The following EYA1 variants were observed in gnomAD, a reference collection of about 807,000 sequenced individuals.
EYA1 encodes EYA transcriptional coactivator and phosphatase 1, also known as protein phosphatase EYA1.
Under a neutral mutation model 82.0 loss-of-function variants are expected in EYA1, and 16 were observed. That is an observed-to-expected ratio of 0.20 (90% CI 0.13 to 0.30). The LOEUF is 0.30. EYA1 is among the 10% of genes least tolerant of loss of function. EYA1 has a pLI of 1.00. For synonymous variants in EYA1, 261 were observed against 264.4 expected, an observed-to-expected ratio of 0.99 and a Z score of 0.12; for missense variants, 633 against 730.7, an observed-to-expected ratio of 0.87 and a Z score of 1.54.
At chr8:71,311,757 AT>A (rs1329011203) in intron 7 of EYA1, among the ~76,000 whole-genome samples, 1 of 152,376 alleles carries the variant, frequency 6.6e-6, no homozygotes, top group African/African-American at 2.4e-5. Flanking sequence ...CAAAAGAAAA[AT>A]TAAAGCATGA....
intron 11 of EYA1, among the ~76,000 whole-genome samples, chr8:71,254,969 T>C (rs1814230331): frequency 6.7e-6 from 1 of 149,436 alleles, no homozygotes; most frequent in Non-Finnish European, 1.5e-5. Context: ...AGCCAGGAAA[T>C]AAATTAAGAA....
At chr8:71,241,224 G>A (rs969216502) in intron 12 of EYA1, among the ~76,000 whole-genome samples, 6 of 151,806 alleles carry the variant, frequency 4.0e-5, no homozygotes, top group African/African-American at 1.4e-4. Flanking sequence ...TGTTTTTCCT[G>A]GTGTGTCAAC....
intron 12 of EYA1, among the ~76,000 whole-genome samples, chr8:71,233,428 G>T (rs929076548): frequency 1.3e-5 from 2 of 151,998 alleles, no homozygotes; most frequent in African/African-American, 4.8e-5. Context: ...GTTGGGCGTG[G>T]TGGTGGGCGC....
intron 11 of EYA1, among the ~76,000 whole-genome samples, chr8:71,249,210 T>C (rs1332347122): frequency 8.5e-5 from 13 of 152,112 alleles, no homozygotes; most frequent in Admixed American, 8.5e-4. Flanking sequence ...CAGCAATCTT[T>C]TATGGGCATT....
At chr8:71,402,619 T>A (rs1391618505) in intron 2 of EYA1, among the ~76,000 whole-genome samples, 3 of 152,122 alleles carry the variant, frequency 2.0e-5, no homozygotes, top group Non-Finnish European at 4.4e-5. Context: ...TAGTTCTGAG[T>A]TTATATGAAA....
intron 9 of EYA1, among the ~76,000 whole-genome samples, chr8:71,286,278 C>T (rs558424444): frequency 1.7e-4 from 26 of 152,284 alleles, no homozygotes; most frequent in East Asian, 1.2e-3. Context: ...AGGAATGCTA[C>T]GGAATGCCAG....
intron 9 of EYA1, among the ~76,000 whole-genome samples, chr8:71,274,835 A>G (rs1420953271): frequency 6.6e-6 from 1 of 151,966 alleles, no homozygotes; most frequent in Non-Finnish European, 1.5e-5. Context: ...TGTTCCAGAC[A>G]GGGGCATAAG....
intron 12 of EYA1, among the ~76,000 whole-genome samples, chr8:71,217,558 T>C (rs567185478): frequency 6.6e-6 from 1 of 151,916 alleles, no homozygotes; most frequent in East Asian, 1.9e-4. Flanking sequence ...GATGTGAGTT[T>C]TATCCTCCCT....
chr8:71,390,208 T>C (rs1456675280), intron 2 of EYA1, among the ~76,000 whole-genome samples: 1 of 152,156 alleles, frequency 6.6e-6, no homozygotes, highest in Non-Finnish European at 1.5e-5. Context: ...GCTAATCAAA[T>C]TCTCTTAAAG....
At chr8:71,248,655 C>T (rs771096176) in intron 11 of EYA1, among the ~76,000 whole-genome samples, 7 of 152,194 alleles carry the variant, frequency 4.6e-5, no homozygotes, top group Non-Finnish European at 8.8e-5. Flanking sequence ...AGGAAACTAG[C>T]AGAAGGACAG....
chr8:71,537,350 A>G (rs1194809171), intron 1 of EYA1, among the ~76,000 whole-genome samples: 2 of 152,174 alleles, frequency 1.3e-5, no homozygotes, highest in Non-Finnish European at 2.9e-5. Context: ...TTTATTTTGA[A>G]TTGTACTCAA....
At chr8:71,362,238 C>T (rs534119863), upstream of EYA1, 1 of 949,374 alleles carries the variant, frequency 1.1e-6, no homozygotes, top group East Asian at 1.4e-4. Flanking sequence ...GGTTTAAATG[C>T]AACAATTGAA....
chr8:71,532,194 C>A (rs1350081638), intron 2 of EYA1, among the ~76,000 whole-genome samples: 1 of 152,162 alleles, frequency 6.6e-6, no homozygotes, highest in Non-Finnish European at 1.5e-5. Flanking sequence ...AGTGGCAGCA[C>A]CAAGATGAAG....
At chr8:71,290,692 C>A (rs1180305716) in intron 9 of EYA1, among the ~76,000 whole-genome samples, 1 of 151,990 alleles carries the variant, frequency 6.6e-6, no homozygotes, top group Non-Finnish European at 1.5e-5. Flanking sequence ...GTCCAAAATT[C>A]ACAGGTAACA....
intron 12 of EYA1, among the ~76,000 whole-genome samples, chr8:71,243,396 A>T (rs1315225851): frequency 6.6e-6 from 1 of 152,180 alleles, no homozygotes; most frequent in Admixed American, 6.5e-5. Flanking sequence ...TTGTCACTCA[A>T]TGGGAATATT....
chr8:71,199,699 A>G (rs1404465989), intron 17 of EYA1, among the ~76,000 whole-genome samples: 1 of 152,244 alleles, frequency 6.6e-6, no homozygotes, highest in Non-Finnish European at 1.5e-5. Context: ...GCCAATTCCA[A>G]GCTTTAAATA....
intron 3 of EYA1, among the ~76,000 whole-genome samples, chr8:71,340,534 A>G (rs1163738133): frequency 1.3e-5 from 2 of 152,152 alleles, no homozygotes; most frequent in South Asian, 4.1e-4. Flanking sequence ...TACAAATTTT[A>G]CACGTGACTA....
chr8:71,386,117 G>A (rs1307434143), intron 2 of EYA1, among the ~76,000 whole-genome samples: 2 of 152,076 alleles, frequency 1.3e-5, no homozygotes, highest in African/African-American at 4.8e-5. Context: ...TTCTCTATTA[G>A]GTTAAATTAT....
At chr8:71,388,582 C>T (rs537959609) in intron 2 of EYA1, among the ~76,000 whole-genome samples, 23 of 152,278 alleles carry the variant, frequency 1.5e-4, no homozygotes, top group Non-Finnish European at 2.2e-4. Context: ...CAGGTAGCTT[C>T]GATCTCAGCT....
Sources: gnomAD v4.1 joint callset for allele counts (sites outside exome capture counted in the v4.1 genomes callset) on GRCh38, gnomAD v4.1.1 for gene constraint, MANE v1.5 for transcripts, NCBI Gene and HGNC (gene_info 2026-07-23, HGNC 2026-07-21) for gene names.